The following NELL1 variants were observed in gnomAD, a reference collection of about 807,000 sequenced individuals.
NELL1 encodes neural EGFL like 1, also known as protein kinase C-binding protein NELL1.
NELL1 carries 76 observed loss-of-function variants against 107.4 expected under a neutral mutation model. The ratio of observed to expected loss-of-function variants is 0.71; its 90% CI spans 0.59 to 0.86. NELL1 has a LOEUF of 0.86. Among genes scored for constraint, NELL1 ranks in the 40% least tolerant of loss-of-function variants. The pLI, the probability that NELL1 is intolerant of heterozygous loss-of-function variation, is 0.00. For missense variants in NELL1, 1,024 were observed against 1,005.5 expected, an observed-to-expected ratio of 1.02 and a Z score of -0.25; for synonymous variants, 353 against 341.2, an observed-to-expected ratio of 1.03 and a Z score of -0.38.
intron 16 of NELL1, among the ~76,000 whole-genome samples, chr11:21,558,242 G>A (rs1478534596): frequency 1.3e-5 from 2 of 151,714 alleles, no homozygotes; most frequent in African/African-American, 4.8e-5. Context: ...CTAAGACACA[G>A]TTGTTTCATA....
At chr11:21,430,178 CTCTG>C (rs1164444226) in intron 15 of NELL1, among the ~76,000 whole-genome samples, 1 of 152,188 alleles carries the variant, frequency 6.6e-6, no homozygotes, top group Non-Finnish European at 1.5e-5. Flanking sequence ...TGTCTAGCTA[CTCTG>C]TCTGTTAATC....
intron 5 of NELL1, among the ~76,000 whole-genome samples, chr11:20,886,855 A>T (rs7117200): frequency 6.6e-6 from 1 of 152,118 alleles, no homozygotes; most frequent in African/African-American, 2.4e-5. Flanking sequence ...AAAAAAAGTA[A>T]GATGTAATTT....
At chr11:21,123,410 A>C (rs1425018767) in intron 13 of NELL1, among the ~76,000 whole-genome samples, 7 of 151,692 alleles carry the variant, frequency 4.6e-5, no homozygotes, top group Admixed American at 4.6e-4. Flanking sequence ...AGAGTATATT[A>C]ACAGCTTTGA....
intron 14 of NELL1, among the ~76,000 whole-genome samples, chr11:21,265,331 A>G (rs891485653): frequency 1.3e-5 from 2 of 152,068 alleles, no homozygotes; most frequent in African/African-American, 4.8e-5. Context: ...GTGTAAAAAT[A>G]GGGGTATCAC....
At chr11:21,151,068 C>T (rs985667662) in intron 13 of NELL1, among the ~76,000 whole-genome samples, 1 of 152,010 alleles carries the variant, frequency 6.6e-6, no homozygotes, top group African/African-American at 2.4e-5. Flanking sequence ...GATCCAGTCA[C>T]CTCCCAAAAG....
intron 5 of NELL1, among the ~76,000 whole-genome samples, chr11:20,902,750 A>C (rs185672999): frequency 9.6e-4 from 146 of 152,182 alleles, no homozygotes; most frequent in African/African-American, 3.5e-3. Context: ...ATGTTTAAAT[A>C]CGTTGTAGTA....
At chr11:21,305,172 A>C (rs900675738) in intron 14 of NELL1, among the ~76,000 whole-genome samples, 1 of 152,054 alleles carries the variant, frequency 6.6e-6, no homozygotes, top group African/African-American at 2.4e-5. Context: ...TGTATTTGAA[A>C]GTGTCATTTA....
At position 20,697,772 on chromosome 11, in the gene NELL1, A is replaced by G. The variant is rs74350532; in HGVS notation, c.184+19712A>G. Among the ~76,000 whole-genome samples the G allele has an allele frequency of 7.1e-3, 1,077 of 152,260 alleles. 7 individuals carry two copies. Among genetic ancestry groups the G allele is most frequent in the African/African-American group, 0.025 (1,028 of 41,546 alleles). Reference sequence around the variant, plus strand: ...GAAATTTCTTACTGGATGACCTGGGAAATGGTCTTTGGGGGAGGTGGCACC... The same window carrying G: ...GAAATTTCTTACTGGATGACCTGGGGAATGGTCTTTGGGGGAGGTGGCACC... On this transcript the variant is annotated intron_variant, in intron 2 of 19. Coordinates refer to ENST00000357134, the MANE Select transcript of NELL1 (RefSeq NM_006157.5).
intron 12 of NELL1, among the ~76,000 whole-genome samples, chr11:20,962,564 A>G (rs756178236): frequency 2.3e-4 from 35 of 152,150 alleles, no homozygotes; most frequent in Non-Finnish European, 4.7e-4. Flanking sequence ...TGCTGGTGCT[A>G]ATGCTGTTTG....
At chr11:21,428,106 A>G (rs1852874578) in intron 15 of NELL1, among the ~76,000 whole-genome samples, 1 of 152,202 alleles carries the variant, frequency 6.6e-6, no homozygotes, top group South Asian at 2.1e-4. Context: ...TGGATTTTTC[A>G]GAGAACACGT....
At chr11:20,699,903 TAA>T (rs1476176650) in intron 2 of NELL1, among the ~76,000 whole-genome samples, 3 of 152,220 alleles carry the variant, frequency 2.0e-5, no homozygotes, top group African/African-American at 7.2e-5. Context: ...ACCAGCAGTG[TAA>T]AAGTGTTCCC....
chr11:21,247,742 A>G (rs1261647317), intron 14 of NELL1, among the ~76,000 whole-genome samples: 1 of 152,220 alleles, frequency 6.6e-6, no homozygotes, highest in Admixed American at 6.5e-5. Context: ...TGTCACTATC[A>G]ACTCTTATGT....
At chr11:20,900,774 G>A (rs575570236) in intron 5 of NELL1, among the ~76,000 whole-genome samples, 17 of 152,086 alleles carry the variant, frequency 1.1e-4, no homozygotes, top group South Asian at 2.1e-4. Context: ...TGTGTGTCTG[G>A]GTGTGTGAGA....
At chr11:21,039,910 A>C (rs374145933) in intron 12 of NELL1, among the ~76,000 whole-genome samples, 3 of 152,152 alleles carry the variant, frequency 2.0e-5, no homozygotes, top group Non-Finnish European at 4.4e-5. Context: ...AAGGAGCTCA[A>C]TTTTGTTGCA....
At chr11:21,411,193 C>T (rs1019092411) in intron 15 of NELL1, among the ~76,000 whole-genome samples, 1 of 151,982 alleles carries the variant, frequency 6.6e-6, no homozygotes, top group African/African-American at 2.4e-5. Context: ...TTATAAAGTT[C>T]TCTAGTGTAA....
At chr11:20,858,501 T>G (rs1401615803) in intron 4 of NELL1, among the ~76,000 whole-genome samples, 1 of 152,196 alleles carries the variant, frequency 6.6e-6, no homozygotes, top group Non-Finnish European at 1.5e-5. Flanking sequence ...GTAAATCACC[T>G]AAGAGTTACA....
chr11:21,147,461 A>G (rs959434405), intron 13 of NELL1, among the ~76,000 whole-genome samples: 39 of 152,136 alleles, frequency 2.6e-4, no homozygotes, highest in African/African-American at 9.2e-4. Flanking sequence ...CTTCGAAGAC[A>G]CAAGCTGGGG....
chr11:21,466,995 T>C (rs1854048877), intron 15 of NELL1, among the ~76,000 whole-genome samples: 1 of 152,032 alleles, frequency 6.6e-6, no homozygotes, highest in African/African-American at 2.4e-5. Flanking sequence ...ATATGTGACA[T>C]GGAGTATTAA....
chr11:21,105,862 C>CCCTT (rs1565062810), intron 12 of NELL1, among the ~76,000 whole-genome samples: 2 of 432 alleles, frequency 4.6e-3, no homozygotes, highest in Non-Finnish European at 0.01. Flanking sequence ...TCTCTCCCCT[C>CCCTT]CCCCTCCCCT....
Sources: allele counts gnomAD v4.1 joint callset (sites outside exome capture counted in the v4.1 genomes callset), GRCh38; gene constraint gnomAD v4.1.1; transcripts MANE v1.5; gene names NCBI Gene and HGNC (gene_info 2026-07-23, HGNC 2026-07-21).